The following CACNA2D3 variants were observed in gnomAD, a reference collection of about 807,000 sequenced individuals.
CACNA2D3 encodes the protein voltage-dependent calcium channel subunit alpha-2/delta-3.
CACNA2D3 carries 60 observed loss-of-function variants against 160.6 expected under a neutral mutation model. That is an observed-to-expected ratio of 0.37 (90% CI 0.30 to 0.46). CACNA2D3 has a LOEUF of 0.46. Among genes scored for constraint, CACNA2D3 ranks in the 20% least tolerant of loss-of-function variants. The pLI is 1.00. For synonymous variants in CACNA2D3, 558 were observed against 492.9 expected, an observed-to-expected ratio of 1.13 and a Z score of -1.75; for missense variants, 1,205 against 1,365.0, an observed-to-expected ratio of 0.88 and a Z score of 1.85.
intron 5 of CACNA2D3, among the ~76,000 whole-genome samples, chr3:54,551,368 T>C (rs1202899129): frequency 1.3e-5 from 2 of 152,226 alleles, no homozygotes; most frequent in Admixed American, 6.5e-5. Context: ...ATTTTCTGAA[T>C]GAATGAATAA....
intron 2 of CACNA2D3, among the ~76,000 whole-genome samples, chr3:54,273,686 G>A (rs1488128708): frequency 6.6e-6 from 1 of 152,162 alleles, no homozygotes; most frequent in East Asian, 1.9e-4. Context: ...ATGACCACCC[G>A]ACTGGGAAGG....
intron 35 of CACNA2D3, among the ~76,000 whole-genome samples, chr3:55,071,577 T>C (rs1399808180): frequency 8.5e-5 from 13 of 152,216 alleles, no homozygotes; most frequent in Non-Finnish European, 1.6e-4. Flanking sequence ...TGTTTCTTCA[T>C]CTTCAGTACT....
At chr3:54,885,347 C>T (rs751279981) in intron 22 of CACNA2D3, 21 bp downstream of exon 22, 3 of 1,613,692 alleles carry the variant, frequency 1.9e-6, no homozygotes, top group Non-Finnish European at 2.5e-6. Flanking sequence ...AACCATCCCT[C>T]CTTGACCATG....
At chr3:54,786,455 C>T (rs1460043902) in intron 13 of CACNA2D3, among the ~76,000 whole-genome samples, 1 of 152,152 alleles carries the variant, frequency 6.6e-6, no homozygotes, top group African/African-American at 2.4e-5. Context: ...GGAGTCCCCT[C>T]CCTGCACTGG....
intron 2 of CACNA2D3, among the ~76,000 whole-genome samples, chr3:54,301,483 A>G (rs1703476218): frequency 6.6e-6 from 1 of 152,120 alleles, no homozygotes; most frequent in South Asian, 2.1e-4. Context: ...AAGTACAATA[A>G]ATTACAATTA....
At chr3:54,753,402 T>G (rs967429405) in intron 12 of CACNA2D3, among the ~76,000 whole-genome samples, 12 of 152,316 alleles carry the variant, frequency 7.9e-5, no homozygotes, top group Non-Finnish European at 1.3e-4. Flanking sequence ...TGAGAGCTAG[T>G]GTGGTGGTGT....
chr3:54,902,271 C>G (rs187130815), intron 27 of CACNA2D3, among the ~76,000 whole-genome samples: 1 of 152,190 alleles, frequency 6.6e-6, no homozygotes, highest in South Asian at 2.1e-4. Flanking sequence ...CTATATATGT[C>G]TGGGGTAGAA....
intron 35 of CACNA2D3, among the ~76,000 whole-genome samples, chr3:55,043,324 CTCTTTCTT>C (rs534667609): frequency 4.1e-5 from 6 of 145,014 alleles, no homozygotes; most frequent in South Asian, 2.3e-4. Flanking sequence ...CTCCCTCCCT[CTCTTTCTT>C]TCTTTCTTTC....
rs1701523945 is a variant in CACNA2D3, at chr3:54,736,126, TATATGTATATATATACAC to T, written c.1168-16471_1168-16454del. Among the ~76,000 whole-genome samples, 9 of 60,060 alleles carry T rather than the reference TATATGTATATATATACAC, an allele frequency of 1.5e-4. 1 individual carries two copies. The highest frequency in any genetic ancestry group is 4.0e-4 in the African/African-American group (6 of 14,848). The allele number at this position is 60,060 out of a possible 152,430, so 39.4% of individuals were successfully genotyped here. A position where few individuals can be genotyped will look rare whatever the true frequency, so the allele number is the denominator to read the frequency against. On this transcript the variant is annotated intron_variant, in intron 11 of 37. Transcript: ENST00000474759. ...ATATATATGTATATATATACATATATATATGTATATATATACACACACACACACACACACACACAGACA... is the reference window on the plus strand; with the variant it reads ...ATATATATGTATATATATACATATATACACACACACACACACACACAGACA...
At chr3:54,148,492 T>G (rs568191178) in intron 2 of CACNA2D3, among the ~76,000 whole-genome samples, 1 of 152,094 alleles carries the variant, frequency 6.6e-6, no homozygotes, top group Non-Finnish European at 1.5e-5. Context: ...GACACTAGCA[T>G]GTGGCAGGGG....
At chr3:54,304,115 T>C (rs1165546471) in intron 2 of CACNA2D3, among the ~76,000 whole-genome samples, 1 of 152,154 alleles carries the variant, frequency 6.6e-6, no homozygotes, top group African/African-American at 2.4e-5. Context: ...TTTAGCAGCA[T>C]CTCTGACCTC....
chr3:54,269,132 C>T (rs1016436818), intron 2 of CACNA2D3, among the ~76,000 whole-genome samples: 1 of 152,072 alleles, frequency 6.6e-6, no homozygotes, highest in African/African-American at 2.4e-5. Flanking sequence ...GCAGCCAAAC[C>T]ACAGTTTGGG....
intron 4 of CACNA2D3, among the ~76,000 whole-genome samples, chr3:54,431,040 T>A (rs1699982157): frequency 6.6e-6 from 1 of 152,064 alleles, no homozygotes; most frequent in Admixed American, 6.6e-5. Flanking sequence ...GAAAATGTAC[T>A]AAGAAAAATC....
intron 14 of CACNA2D3, among the ~76,000 whole-genome samples, chr3:54,830,670 G>C (rs1211322660): frequency 6.6e-6 from 1 of 152,032 alleles, no homozygotes; most frequent in South Asian, 2.1e-4. Context: ...GGCCAAGCTG[G>C]TCTCAAACTC....
At chr3:54,340,572 T>A (rs534179812) in intron 3 of CACNA2D3, among the ~76,000 whole-genome samples, 7 of 152,376 alleles carry the variant, frequency 4.6e-5, no homozygotes, top group Admixed American at 3.9e-4. Context: ...TTCATGGTGC[T>A]GTCCTGCTGA....
intron 4 of CACNA2D3, among the ~76,000 whole-genome samples, chr3:54,407,297 CACA>C (rs1699593897): frequency 6.6e-6 from 1 of 152,070 alleles, no homozygotes; most frequent in African/African-American, 2.4e-5. Context: ...AAATAGGGGT[CACA>C]TCTGTAGGAG....
chr3:54,492,373 C>T (rs151234433), intron 4 of CACNA2D3, among the ~76,000 whole-genome samples: 1 of 152,298 alleles, frequency 6.6e-6, no homozygotes, highest in African/African-American at 2.4e-5. Flanking sequence ...CTACTCTGGA[C>T]CAGCTCCTCT....
chr3:55,021,219 T>C (rs1703437466), intron 35 of CACNA2D3, among the ~76,000 whole-genome samples: 1 of 152,180 alleles, frequency 6.6e-6, no homozygotes, highest in Admixed American at 6.6e-5. Context: ...CTTTTTCCTT[T>C]TGAAATGGTT....
At chr3:54,310,499 A>G (rs1224426340) in intron 2 of CACNA2D3, among the ~76,000 whole-genome samples, 2 of 152,142 alleles carry the variant, frequency 1.3e-5, no homozygotes, top group African/African-American at 2.4e-5. Context: ...TGCCCCCCCA[A>G]TACACACACA....
Sources: gnomAD v4.1 joint callset for allele counts (sites outside exome capture counted in the v4.1 genomes callset) on GRCh38, gnomAD v4.1.1 for gene constraint, MANE v1.5 for transcripts, NCBI Gene and HGNC (gene_info 2026-07-23, HGNC 2026-07-21) for gene names.